RUBCN: variants seen among roughly 807,000 people sequenced by gnomAD.
The protein encoded by RUBCN is rubicon autophagy regulator.
A neutral mutation model predicts 113.2 loss-of-function variants in RUBCN; 74 were observed. The ratio of observed to expected loss-of-function variants is 0.65; its 90% CI spans 0.54 to 0.79. The LOEUF (loss-of-function observed/expected upper bound fraction) is 0.79. Ranked by LOEUF, RUBCN falls within the 30% of genes least tolerant of loss-of-function variation. The pLI, the probability that RUBCN is intolerant of heterozygous loss-of-function variation, is 0.00. For missense variants in RUBCN, 1,109 were observed against 1,251.7 expected (o/e 0.89, Z 1.72); for synonymous variants, 480 against 490.0 (o/e 0.98, Z 0.27).
At chr3:197,730,697 G>A (rs1186118882) in intron 1 of RUBCN, among the ~76,000 whole-genome samples, 2 of 151,610 alleles carry the variant, frequency 1.3e-5, no homozygotes, top group African/African-American at 2.4e-5. Flanking sequence ...AACAGGTGGT[G>A]AGGATGTGGG....
At chr3:197,708,550 G>T (rs1580291643) in intron 2 of RUBCN, among the ~76,000 whole-genome samples, 1 of 81,746 alleles carries the variant, frequency 1.2e-5, no homozygotes. Flanking sequence ...TACAGTGGTA[G>T]ACTCAAAAAA....
At position 197,674,850 on chromosome 3, in the gene RUBCN, C is replaced by CA; in HGVS notation, c.*167_*168insT. 3.4e-6 allele frequency: 2 copies of CA among 580,968 alleles called. No homozygotes were observed. The highest frequency in any genetic ancestry group is 3.8e-5 in the Admixed American group (1 of 26,384). The allele number at this position is 580,968 out of a possible 1,614,324, so 36.0% of individuals were successfully genotyped here. ...TCTGGACCCATCAACCTGCCGACGG[C>CA]TGACTGCACACAGACGTCAGACAAG... On this transcript the variant is annotated 3_prime_UTR_variant, in exon 20 of 20. Transcript: ENST00000296343.
intron 2 of RUBCN, among the ~76,000 whole-genome samples, chr3:197,712,060 T>C (rs1580308000): frequency 6.6e-6 from 1 of 152,288 alleles, no homozygotes; most frequent in East Asian, 1.9e-4. Context: ...CAGAGGTCTT[T>C]TTTTCATTAT....
At chr3:197,682,225 T>C (rs1721322548) in intron 14 of RUBCN, among the ~76,000 whole-genome samples, 1 of 152,028 alleles carries the variant, frequency 6.6e-6, no homozygotes, top group Admixed American at 6.5e-5. Flanking sequence ...CCCACACAAC[T>C]ACTGGGAGGA....
intron 1 of RUBCN, among the ~76,000 whole-genome samples, chr3:197,733,300 C>G (rs1247559925): frequency 6.6e-6 from 1 of 152,062 alleles, no homozygotes; most frequent in African/African-American, 2.4e-5. Context: ...TGGTGAGACT[C>G]TGTCACTACA....
chr3:197,739,757 G>T (rs1168403403), upstream of RUBCN, among the ~76,000 whole-genome samples: 1 of 152,158 alleles, frequency 6.6e-6, no homozygotes, highest in Non-Finnish European at 1.5e-5. Flanking sequence ...AATCCTAGGG[G>T]CCAGAAGCGG....
intron 2 of RUBCN, among the ~76,000 whole-genome samples, chr3:197,707,264 A>G (rs9857384): frequency 0.11 from 17,292 of 151,986 alleles, 1,222 homozygotes; most frequent in African/African-American, 0.19. Context: ...CCCGGGAGGC[A>G]GAGCTTGCAA....
At chr3:197,677,750 C>T (rs1435180698) in intron 16 of RUBCN, among the ~76,000 whole-genome samples, 15 of 151,520 alleles carry the variant, frequency 9.9e-5, no homozygotes, top group African/African-American at 2.2e-4. Context: ...CTCTGACTGA[C>T]AACTGGCTTC....
At chr3:197,734,523 C>T (rs1580399685) in intron 1 of RUBCN, among the ~76,000 whole-genome samples, 1 of 152,138 alleles carries the variant, frequency 6.6e-6, no homozygotes, top group East Asian at 1.9e-4. Context: ...CATTTCTCAG[C>T]TTTCTCATCT....
In RUBCN at chr3:197,681,146, G is replaced by C; in HGVS notation, c.2413C>G (p.Leu805Val). ...GGTCTTACCCGGACTTGATTGAGCA[G>C]CTTGACCTTCCTATAGAGGGCACTG... The part of the protein sequence containing the change: ...INSALYRKVK[L>V]LNQVRLLRVQ... The change falls in exon 16 of 20, where the codon CTG (leucine) becomes GTG (valine). Residue 805 changes from leucine (L) to valine (V), a missense_variant. Physicochemically the swap from Leu to Val is conservative, Grantham distance 32. Around this residue, in one of 3 missense-constraint regions of RUBCN, gnomAD observed 306 missense variants for 348.9 expected, o/e 0.88. Transcript: ENST00000296343. This position sits in a 1 kb window ranked among gnomAD's most constrained non-coding sequence, Gnocchi z 5.5. The C allele has an allele frequency of 6.2e-7, 1 of 1,613,282 alleles. No homozygotes were observed. The highest frequency in any genetic ancestry group is 8.5e-7 in the Non-Finnish European group (1 of 1,179,338).
upstream of RUBCN, among the ~76,000 whole-genome samples, chr3:197,739,460 A>G (rs543149468): frequency 1.2e-3 from 178 of 150,722 alleles, no homozygotes; most frequent in Non-Finnish European, 1.3e-3. Context: ...TTGGGAGGTC[A>G]AGGCGGGCAG....
At chr3:197,718,915 G>T (rs1353016649) in intron 1 of RUBCN, among the ~76,000 whole-genome samples, 1 of 152,208 alleles carries the variant, frequency 6.6e-6, no homozygotes, top group African/African-American at 2.4e-5. Flanking sequence ...GACTAAGGCG[G>T]TCACTAAAAT....
upstream of RUBCN, among the ~76,000 whole-genome samples, chr3:197,739,691 C>T (rs1235907264): frequency 6.6e-6 from 1 of 151,970 alleles, no homozygotes; most frequent in African/African-American, 2.4e-5. Flanking sequence ...AGAGCTAGAC[C>T]TGGGCGACAG....
At chr3:197,748,206 A>T (rs1005521654) in intron 1 of RUBCN, 23 of 152,136 alleles carry the variant, frequency 1.5e-4, no homozygotes, top group African/African-American at 4.8e-4. Context: ...TCGGCCTCCC[A>T]AAGTGCTGGG....
intron 2 of RUBCN, among the ~76,000 whole-genome samples, chr3:197,714,969 GAT>G (rs1725352774): frequency 1.3e-5 from 2 of 152,278 alleles, no homozygotes; most frequent in African/African-American, 4.8e-5. Context: ...ACTCAAAGCT[GAT>G]TATAGAGTTT....
At chr3:197,741,842 A>C (rs1392983194), upstream of RUBCN, among the ~76,000 whole-genome samples, 3 of 151,818 alleles carry the variant, frequency 2.0e-5, no homozygotes, top group South Asian at 2.1e-4. Context: ...AAAAAAAAAA[A>C]CCCCAAAAAA....
intron 11 of RUBCN, among the ~76,000 whole-genome samples, chr3:197,686,156 G>A (rs1487535040): frequency 1.3e-5 from 2 of 152,038 alleles, no homozygotes; most frequent in East Asian, 3.9e-4. Flanking sequence ...CTACATGCCA[G>A]AAAGAACAGA....
intron 7 of RUBCN, 107 bp downstream of exon 7, chr3:197,700,506 A>G: frequency 2.8e-6 from 3 of 1,064,298 alleles, no homozygotes; most frequent in Non-Finnish European, 4.3e-6. Context: ...TTGTATCACC[A>G]GAAACAGAAC....
chr3:197,716,693 A>C (rs1268440625), intron 2 of RUBCN, among the ~76,000 whole-genome samples: 1 of 152,058 alleles, frequency 6.6e-6, no homozygotes, highest in African/African-American at 2.4e-5. Context: ...TAAATTAAGG[A>C]TTTTGAGATG....
Sources: gnomAD v4.1 joint callset for allele counts (sites outside exome capture counted in the v4.1 genomes callset) on GRCh38, gnomAD v4.1.1 for gene constraint, gnomAD v4.1.1 regional missense constraint, Gnocchi (gnomAD v3.1) non-coding constraint, MANE v1.5 for transcripts, NCBI Gene and HGNC (gene_info 2026-07-23, HGNC 2026-07-21) for gene names.